MRPS31: variants seen among roughly 807,000 people sequenced by gnomAD.
The protein encoded by MRPS31 is small ribosomal subunit protein mS31.
MRPS31 carries 32 observed loss-of-function variants against 43.1 expected under a neutral mutation model. That is an observed-to-expected ratio of 0.74 (90% CI 0.56 to 1.00). The LOEUF (loss-of-function observed/expected upper bound fraction) is 1.00, where lower values mean the gene tolerates loss of function less well. Ranked by LOEUF, MRPS31 falls within the 50% of genes least tolerant of loss-of-function variation. MRPS31 has a pLI of 0.00. For synonymous variants in MRPS31, 165 were observed against 161.6 expected (o/e 1.02, Z -0.16); for missense variants, 437 against 466.7 (o/e 0.94, Z 0.59).
In MRPS31 at chr13:40,736,619, C is replaced by A. The variant is rs573685122; in HGVS notation, c.959-7018G>T. On this transcript the variant is annotated intron_variant, in intron 6 of 6. Transcript: ENST00000323563. ...CCTACAAGCCAGAAGAGAGTGGGGA[C>A]CAATATTGAACATTCTTAAAGAAAA... Among the ~76,000 whole-genome samples, 9 of 150,886 alleles carry A rather than the reference C, an allele frequency of 6.0e-5. No individual in the cohort carries two copies. The South Asian group carries it at 1.9e-3, about 32-fold the overall frequency.
In MRPS31 at chr13:40,756,948, G is replaced by T; in HGVS notation, c.665C>A (p.Pro222Gln). ...TTCATCAAACTGAATCCGAAGCTCT[G>T]GTCTTGAACGAACTCTAGCTGTAGC... ...RSATARVRSR[P>Q]ELRIQFDEGY... The change falls in exon 4 of 7, where the codon CCA (proline) becomes CAA (glutamine). Residue 222 changes from proline to glutamine, a missense_variant. Pro to Gln is a moderately conservative substitution (Grantham distance 76, BLOSUM62 -1). Transcript: ENST00000323563. 6.2e-7 allele frequency: 1 copy of T among 1,613,478 alleles called. No individual in the cohort carries two copies. The highest frequency in any genetic ancestry group is 8.5e-7 in the Non-Finnish European group (1 of 1,179,684).
intron 6 of MRPS31, among the ~76,000 whole-genome samples, chr13:40,730,292 C>A (rs1879640680): frequency 6.6e-6 from 1 of 151,716 alleles, no homozygotes; most frequent in South Asian, 2.1e-4. Context: ...GGAGGCGAGG[C>A]AGGCGGCTCA....
At chr13:40,734,564 G>C (rs987582555) in intron 6 of MRPS31, among the ~76,000 whole-genome samples, 2 of 152,144 alleles carry the variant, frequency 1.3e-5, no homozygotes, top group African/African-American at 4.8e-5. Flanking sequence ...AACTTTCAGT[G>C]GGAACAGGAA....
At chr13:40,766,107 T>C (rs753121279) in intron 2 of MRPS31, among the ~76,000 whole-genome samples, 2 of 152,200 alleles carry the variant, frequency 1.3e-5, no homozygotes, top group Non-Finnish European at 2.9e-5. Flanking sequence ...AATCAAGATG[T>C]AAATGATATT....
chr13:40,754,095 AAGTCCAAAAAAAG>A lies in MRPS31; in HGVS notation c.741-16_741-4del, dbSNP rs1168156030. 1 of 1,511,300 alleles carries A rather than the reference AAGTCCAAAAAAAG, an allele frequency of 6.6e-7. No homozygotes were observed. Among genetic ancestry groups the A allele is most frequent in the Non-Finnish European group, 9.1e-7 (1 of 1,103,494 alleles). 93.6% of individuals were successfully genotyped at this position (1,511,300 alleles called of 1,614,324 possible). On this transcript the variant is annotated splice_polypyrimidine_tract_variant and splice_region_variant and intron_variant, in intron 4 of 6. Coordinates refer to ENST00000323563, the MANE Select transcript of MRPS31 (RefSeq NM_005830.4). ...TTTTCCCTGTGAATATATTTTTCCT[AAGTCCAAAAAAAG>A]AAAATAACATTTTAATGAATATATT...
At chr13:40,739,409 G>A (rs1880016255) in intron 6 of MRPS31, among the ~76,000 whole-genome samples, 1 of 152,090 alleles carries the variant, frequency 6.6e-6, no homozygotes, top group African/African-American at 2.4e-5. Flanking sequence ...AGCTACCAAT[G>A]ACTTTCTTCA....
At chr13:40,767,078 CTACAATAAAGTAAAAAACTTACT>C (rs1880872024) in intron 1 of MRPS31, 45 bp from the exon 2 acceptor site, 7 of 1,463,748 alleles carry the variant, frequency 4.8e-6, no homozygotes, top group South Asian at 4.0e-5. Flanking sequence ...ACAATGCAGT[CTACAATAAAGTAAAAAACTTACT>C]TACAATAAAG....
At chr13:40,769,081 T>C (rs1446185169) in intron 1 of MRPS31, among the ~76,000 whole-genome samples, 1 of 151,916 alleles carries the variant, frequency 6.6e-6, no homozygotes, top group Non-Finnish European at 1.5e-5. Flanking sequence ...CTGGGTTAAA[T>C]ATTGTATCAA....
At chr13:40,770,577 T>TGGAACTACACGCTCCGTGATGGCA (rs1566113745) in intron 1 of MRPS31, among the ~76,000 whole-genome samples, 9 of 152,220 alleles carry the variant, frequency 5.9e-5, no homozygotes, top group Non-Finnish European at 8.8e-5. Flanking sequence ...GTCTACTTTC[T>TGGAACTACACGCTCCGTGATGGCA]GGAACTACAC....
intron 6 of MRPS31, among the ~76,000 whole-genome samples, chr13:40,736,290 C>T (rs966450405): frequency 5.9e-5 from 9 of 151,974 alleles, no homozygotes; most frequent in Non-Finnish European, 1.0e-4. Flanking sequence ...GTGAAAAGAC[C>T]GAATCTACGT....
intron 6 of MRPS31, among the ~76,000 whole-genome samples, chr13:40,744,107 C>T (rs1404474297): frequency 6.6e-6 from 1 of 152,086 alleles, no homozygotes; most frequent in African/African-American, 2.4e-5. Flanking sequence ...AAACAGAAAA[C>T]CAAATACTGC....
chr13:40,734,235 G>A (rs1215048528), intron 6 of MRPS31, among the ~76,000 whole-genome samples: 1 of 152,134 alleles, frequency 6.6e-6, no homozygotes, highest in Non-Finnish European at 1.5e-5. Flanking sequence ...TATATATCAA[G>A]GGTCTCAAAG....
intron 1 of MRPS31, among the ~76,000 whole-genome samples, chr13:40,768,588 G>A (rs967217229): frequency 5.3e-5 from 8 of 152,026 alleles, no homozygotes; most frequent in Admixed American, 2.6e-4. Flanking sequence ...GTAGAGACAG[G>A]GTTTCGCCAT....
intron 6 of MRPS31, among the ~76,000 whole-genome samples, chr13:40,742,813 T>C (rs538038600): frequency 1.9e-4 from 29 of 152,240 alleles, no homozygotes; most frequent in African/African-American, 5.5e-4. Context: ...AGAATTACTC[T>C]AGGAAAGCAT....
rs1427848862 is a variant in MRPS31, at chr13:40,729,565, A to G, written c.995T>C (p.Ile332Thr). The G allele has an allele frequency of 2.5e-6, 4 of 1,613,834 alleles. No individual in the cohort carries two copies. Among genetic ancestry groups the G allele is most frequent in the South Asian group, 1.1e-5 (1 of 91,062 alleles). ...DDDGSEFHEH[I>T]FLEKHLESFP... ...GCTCTCCAGGTGTTTCTCCAGAAAT[A>G]TATGTTCATGAAATTCTGAACCATC... Residue 332 changes from isoleucine (I) to threonine (T), a missense_variant, in exon 7 of 7, where the codon ATA becomes ACA. Transcript: ENST00000323563.
In MRPS31 at chr13:40,744,619, T is replaced by C. The variant is rs192944688; in HGVS notation, c.958+4519A>G. Among the ~76,000 whole-genome samples the C allele has an allele frequency of 1.6e-3, 242 of 152,310 alleles. 1 individual carries two copies. The highest frequency in any genetic ancestry group is 5.7e-3 in the African/African-American group (235 of 41,560). On this transcript the variant is annotated intron_variant, in intron 6 of 6. Coordinates refer to ENST00000323563, the MANE Select transcript of MRPS31 (RefSeq NM_005830.4). ...CTCTGTAGCCCAGGCTGGAGTGCAG[T>C]GGCGCGACCTCTGCCTCCCAGGTTC...
At chr13:40,758,129 C>A (rs548197762) in intron 3 of MRPS31, among the ~76,000 whole-genome samples, 3 of 144,106 alleles carry the variant, frequency 2.1e-5, no homozygotes, top group Non-Finnish European at 3.0e-5. Flanking sequence ...GGCGACAGAG[C>A]GAGACTCCGT....
intron 4 of MRPS31, among the ~76,000 whole-genome samples, chr13:40,755,582 C>T (rs546559061): frequency 9.2e-5 from 14 of 152,258 alleles, no homozygotes; most frequent in African/African-American, 3.4e-4. Context: ...CTGAGGCAGG[C>T]CAGTGTGAAC....
intron 6 of MRPS31, among the ~76,000 whole-genome samples, chr13:40,748,857 A>G (rs1880310703): frequency 6.6e-6 from 1 of 152,180 alleles, no homozygotes; most frequent in Non-Finnish European, 1.5e-5. Context: ...CGATTAGAAA[A>G]CTGGTATCAT....
Sources: allele counts gnomAD v4.1 joint callset (sites outside exome capture counted in the v4.1 genomes callset), GRCh38; gene constraint gnomAD v4.1.1; transcripts MANE v1.5; gene names NCBI Gene and HGNC (gene_info 2026-07-23, HGNC 2026-07-21).